The following RAB3C variants were observed in gnomAD, a reference collection of about 807,000 sequenced individuals.
RAB3C encodes the protein ras-related protein Rab-3C.
Under a neutral mutation model 26.4 loss-of-function variants are expected in RAB3C, and 17 were observed. The observed-to-expected ratio is 0.64, with a 90% CI of 0.44 to 0.97. The LOEUF (loss-of-function observed/expected upper bound fraction) is 0.97. Ranked by LOEUF, RAB3C falls within the 50% of genes least tolerant of loss-of-function variation. The probability of loss-of-function intolerance (pLI) is 0.00; values close to 1 mark genes in which losing one functional copy is unlikely to be tolerated. For missense variants in RAB3C, 242 were observed against 281.9 expected (o/e 0.86, Z 1.01); for synonymous variants, 91 against 95.9 (o/e 0.95, Z 0.30).
intron 1 of RAB3C, among the ~76,000 whole-genome samples, chr5:58,583,810 A>G (rs1476896341): frequency 6.6e-6 from 1 of 152,058 alleles, no homozygotes; most frequent in African/African-American, 2.4e-5. Flanking sequence ...CTGTCCACAC[A>G]ACTGGTTTAC....
At chr5:58,800,383 G>T (rs753625808) in intron 3 of RAB3C, among the ~76,000 whole-genome samples, 1 of 152,196 alleles carries the variant, frequency 6.6e-6, no homozygotes, top group South Asian at 2.1e-4. Flanking sequence ...AGCTAGTGGT[G>T]TCATTAGCAA....
At chr5:58,667,672 A>G (rs2111818144) in intron 2 of RAB3C, among the ~76,000 whole-genome samples, 1 of 152,254 alleles carries the variant, frequency 6.6e-6, no homozygotes, top group South Asian at 2.1e-4. Context: ...AGTTGTATAT[A>G]TATTATATAT....
chr5:58,627,471 TAAAAAAAAAAAAAAAAAAAA>T lies in RAB3C; in HGVS notation c.252+9630_252+9649del, dbSNP rs58104232. ...TGGGCGACAGAGCGAGACTCCGTCT[TAAAAAAAAAAAAAAAAAAAA>T]AAAAAAAAAAAAAAAAAAAAAAAAA... On this transcript the variant is annotated intron_variant, in intron 2 of 4. Transcript: ENST00000282878. 2.3e-4 allele frequency among the ~76,000 whole-genome samples: 16 copies of T among 68,442 alleles called. 1 individual carries two copies. Among genetic ancestry groups the T allele is most frequent in the South Asian group, 2.3e-3 (4 of 1,760 alleles). The allele number at this position is 68,442 out of a possible 152,430, so 44.9% of individuals were successfully genotyped here.
intron 3 of RAB3C, among the ~76,000 whole-genome samples, chr5:58,739,493 G>A (rs1010121203): frequency 2.0e-5 from 3 of 151,836 alleles, no homozygotes; most frequent in African/African-American, 2.4e-5. Context: ...AACCAACCTC[G>A]CCTATGTACC....
upstream of RAB3C, chr5:58,583,071 C>CG: frequency 6.6e-7 from 1 of 1,526,138 alleles, no homozygotes; most frequent in Non-Finnish European, 8.8e-7. Flanking sequence ...GAGAGGACAG[C>CG]TCCAGTGCTG....
intron 3 of RAB3C, among the ~76,000 whole-genome samples, chr5:58,781,685 C>T (rs920406025): frequency 3.3e-5 from 5 of 152,060 alleles, no homozygotes; most frequent in African/African-American, 9.7e-5. Flanking sequence ...GGTACCTATA[C>T]AATTAGGTTT....
chr5:58,792,782 T>C (rs1038165891), intron 3 of RAB3C, among the ~76,000 whole-genome samples: 8 of 152,130 alleles, frequency 5.3e-5, no homozygotes, highest in African/African-American at 1.9e-4. Context: ...TGTGTGTGTG[T>C]GTATGTGTAT....
At chr5:58,828,254 A>G (rs1321626336) in intron 4 of RAB3C, among the ~76,000 whole-genome samples, 2 of 152,214 alleles carry the variant, frequency 1.3e-5, no homozygotes, top group African/African-American at 4.8e-5. Context: ...GAGATAGACT[A>G]CACAGACAAA....
intron 2 of RAB3C, among the ~76,000 whole-genome samples, chr5:58,669,146 T>TGG (rs1482806430): frequency 6.6e-6 from 1 of 152,214 alleles, no homozygotes; most frequent in South Asian, 2.1e-4. Context: ...ATATGAATTT[T>TGG]GGGGGGACAA....
intron 2 of RAB3C, among the ~76,000 whole-genome samples, chr5:58,628,776 C>A (rs1388412794): frequency 6.6e-6 from 1 of 152,092 alleles, no homozygotes; most frequent in East Asian, 1.9e-4. Context: ...TCAGAGGGTG[C>A]CTTCCGCCTT....
intron 3 of RAB3C, among the ~76,000 whole-genome samples, chr5:58,729,534 T>C (rs1217085990): frequency 6.6e-6 from 1 of 151,604 alleles, no homozygotes; most frequent in Non-Finnish European, 1.5e-5. Context: ...TTATTTTACG[T>C]AACATACTGT....
chr5:58,784,470 T>C (rs939917604), intron 3 of RAB3C, among the ~76,000 whole-genome samples: 2 of 152,018 alleles, frequency 1.3e-5, no homozygotes, highest in Non-Finnish European at 2.9e-5. Context: ...CTCCTATGGG[T>C]CCCTCCTATG....
At chr5:58,642,128 A>C (rs1196339711) in intron 2 of RAB3C, among the ~76,000 whole-genome samples, 1 of 152,244 alleles carries the variant, frequency 6.6e-6, no homozygotes, top group Non-Finnish European at 1.5e-5. Context: ...TGCCATTTGC[A>C]TGATGAGCTG....
At chr5:58,807,269 C>A (rs138736941) in intron 3 of RAB3C, among the ~76,000 whole-genome samples, 2 of 152,162 alleles carry the variant, frequency 1.3e-5, no homozygotes, top group African/African-American at 2.4e-5. Context: ...ACCTTTCTGA[C>A]TGAAGGTGAT....
chr5:58,705,819 T>C (rs1401287392), intron 2 of RAB3C, among the ~76,000 whole-genome samples: 1 of 152,300 alleles, frequency 6.6e-6, no homozygotes, highest in East Asian at 1.9e-4. Flanking sequence ...AACTTGTTTC[T>C]GGAAATGAAG....
chr5:58,830,538 C>A (rs566155318), intron 4 of RAB3C, among the ~76,000 whole-genome samples: 2 of 152,162 alleles, frequency 1.3e-5, no homozygotes, highest in Non-Finnish European at 2.9e-5. Context: ...TTTTAAGAAC[C>A]ATGCTCTTGA....
At position 58,829,060 on chromosome 5, in the gene RAB3C, C is replaced by T. The variant is rs993850108; in HGVS notation, c.496+3898C>T. Among the ~76,000 whole-genome samples the T allele has an allele frequency of 4.3e-4, 66 of 151,894 alleles. 1 individual carries two copies. Among genetic ancestry groups the T allele is most frequent in the African/African-American group, 1.3e-3 (55 of 41,458 alleles). ...CTGGGACTACTGGCACGTGCCACCACGCCCGGCTACTTTTTTGTATTTTTA... is the reference window on the plus strand; with the variant it reads ...CTGGGACTACTGGCACGTGCCACCATGCCCGGCTACTTTTTTGTATTTTTA... On this transcript the variant is annotated intron_variant, in intron 4 of 4. Transcript: ENST00000282878.
chr5:58,673,726 G>GA (rs1748169171), intron 2 of RAB3C, among the ~76,000 whole-genome samples: 1 of 152,132 alleles, frequency 6.6e-6, no homozygotes, highest in Non-Finnish European at 1.5e-5. Flanking sequence ...GTTTCCCAAT[G>GA]AAAAAGGATC....
At chr5:58,689,645 G>A (rs954402717) in intron 2 of RAB3C, among the ~76,000 whole-genome samples, 3 of 152,048 alleles carry the variant, frequency 2.0e-5, no homozygotes, top group East Asian at 1.9e-4. Context: ...CTATCCATTT[G>A]TCTAGTGGGA....
Sources: gnomAD v4.1 joint callset for allele counts (sites outside exome capture counted in the v4.1 genomes callset) on GRCh38, gnomAD v4.1.1 for gene constraint, MANE v1.5 for transcripts, NCBI Gene and HGNC (gene_info 2026-07-23, HGNC 2026-07-21) for gene names.